Variants in F2R observed in about 807,000 individuals in gnomAD.
The protein encoded by F2R is proteinase-activated receptor 1.
F2R carries 12 observed loss-of-function variants against 18.3 expected under a neutral mutation model. The observed-to-expected ratio is 0.66, with a 90% CI of 0.42 to 1.06. F2R has a LOEUF of 1.06. Ranked by LOEUF, F2R falls within the 50% of genes least tolerant of loss-of-function variation. The probability of loss-of-function intolerance (pLI) is 0.00; values close to 1 mark genes in which losing one functional copy is unlikely to be tolerated. For missense variants in F2R, 438 were observed against 530.8 expected (o/e 0.83, Z 1.72); for synonymous variants, 210 against 219.9 (o/e 0.95, Z 0.40).
chr5:76,718,089 A>G (rs574948345), intron 1 of F2R, among the ~76,000 whole-genome samples: 5 of 152,310 alleles, frequency 3.3e-5, no homozygotes, highest in Admixed American at 3.3e-4. Flanking sequence ...GCCCTGGGCC[A>G]GAAGGAATTT....
At chr5:76,727,074 A>G (rs556577691) in intron 1 of F2R, among the ~76,000 whole-genome samples, 1 of 152,364 alleles carries the variant, frequency 6.6e-6, no homozygotes, top group South Asian at 2.1e-4. Flanking sequence ...TTGTACTAAA[A>G]AACTATAAAC....
intron 1 of F2R, among the ~76,000 whole-genome samples, chr5:76,719,189 A>G (rs1051856080): frequency 3.3e-5 from 5 of 152,238 alleles, no homozygotes; most frequent in African/African-American, 1.2e-4. Context: ...GGGACGTTAC[A>G]ATACTATCTT....
In F2R at chr5:76,733,041, A is replaced by C; in HGVS notation, c.816A>C (p.Ser272=). 1.2e-6 allele frequency: 2 copies of C among 1,614,116 alleles called. No homozygotes were observed. Among genetic ancestry groups the C allele is most frequent in the South Asian group, 1.1e-5 (1 of 91,086 alleles). Residue 272 remains serine (S), a synonymous_variant, in exon 2 of 2, where the codon TCA becomes TCC. Transcript: ENST00000319211. ...AAGGCTACTATGCCTACTACTTCTCAGCCTTCTCTGCTGTCTTCTTTTTTG... is the reference window on the plus strand; with the variant it reads ...AAGGCTACTATGCCTACTACTTCTCCGCCTTCTCTGCTGTCTTCTTTTTTG... The part of the protein sequence containing the change: ...LLEGYYAYYF[S]AFSAVFFFVP...
chr5:76,719,800 G>A (rs541208069), intron 1 of F2R, among the ~76,000 whole-genome samples: 2 of 152,202 alleles, frequency 1.3e-5, no homozygotes, highest in East Asian at 1.9e-4. Flanking sequence ...GTGCCCTATC[G>A]CCTTGGTAGC....
chr5:76,718,218 G>A (rs1305917471), intron 1 of F2R, among the ~76,000 whole-genome samples: 1 of 152,166 alleles, frequency 6.6e-6, no homozygotes, highest in East Asian at 1.9e-4. Context: ...GGTGGCGGGT[G>A]GGGCAGGGAA....
chr5:76,716,245 G>T lies in F2R; in HGVS notation c.-63G>T, dbSNP rs1023903982. ...CGACCCGCAGAAGTCAGGAGAGAGG[G>T]TGAAGCGGAGCAGCCCGAGGCGGGG... On this transcript the variant is annotated 5_prime_UTR_variant, in exon 1 of 2. Transcript: ENST00000319211. 7.9e-7 allele frequency: 1 copy of T among 1,270,188 alleles called. No homozygotes were observed. The highest frequency in any genetic ancestry group is 1.0e-6 in the Non-Finnish European group (1 of 992,152). 78.7% of individuals were successfully genotyped at this position (1,270,188 alleles called of 1,614,324 possible).
At chr5:76,720,996 G>C (rs902859393) in intron 1 of F2R, among the ~76,000 whole-genome samples, 2 of 152,094 alleles carry the variant, frequency 1.3e-5, no homozygotes, top group Non-Finnish European at 2.9e-5. Flanking sequence ...TAGTAGAGAC[G>C]AGATTTTATC....
intron 1 of F2R, among the ~76,000 whole-genome samples, chr5:76,729,786 C>T (rs1748636186): frequency 6.6e-6 from 1 of 152,182 alleles, no homozygotes; most frequent in Non-Finnish European, 1.5e-5. Flanking sequence ...CAAATCTCAA[C>T]TTGTAGCTCC....
At chr5:76,717,846 G>T (rs2150579476) in intron 1 of F2R, among the ~76,000 whole-genome samples, 1 of 152,316 alleles carries the variant, frequency 6.6e-6, no homozygotes. Context: ...AGCAAGGTGT[G>T]TAGCCTCATT....
At position 76,733,647 on chromosome 5, in the gene F2R, G is replaced by C. The variant is rs552152050; in HGVS notation, c.*144G>C. On this transcript the variant is annotated 3_prime_UTR_variant, in exon 2 of 2. Transcript: ENST00000319211. ...TGCATACCTGCTTTTTATGGGAGCT[G>C]TCAAGCATGTATTTTTGTCAATTAC... The C allele has an allele frequency of 1.6e-6, 1 of 641,734 alleles. No individual in the cohort carries two copies. Among genetic ancestry groups the C allele is most frequent in the Admixed American group, 3.2e-5 (1 of 31,380 alleles). The allele number at this position is 641,734 out of a possible 1,614,324, so 39.8% of individuals were successfully genotyped here. A position where few individuals can be genotyped will look rare whatever the true frequency, so the allele number is the denominator to read the frequency against.
At chr5:76,729,879 A>G (rs1748637632) in intron 1 of F2R, among the ~76,000 whole-genome samples, 1 of 152,130 alleles carries the variant, frequency 6.6e-6, no homozygotes, top group Non-Finnish European at 1.5e-5. Context: ...TGTTGTCATG[A>G]TAGTAAAATG....
At position 76,733,344 on chromosome 5, in the gene F2R, C is replaced by A. The variant is rs1194607700; in HGVS notation, c.1119C>A (p.Tyr373Ter). 1 of 1,614,178 alleles carries A rather than the reference C, an allele frequency of 6.2e-7. No homozygotes were observed. The highest frequency in any genetic ancestry group is 8.5e-7 in the Non-Finnish European group (1 of 1,180,036). The change falls in exon 2 of 2, where the codon TAC becomes TAA. Residue 373 changes from tyrosine to a stop codon, truncating the protein, a stop_gained. Coordinates refer to ENST00000319211, the MANE Select transcript of F2R (RefSeq NM_001992.5). LOFTEE classifies it high-confidence loss of function. ...GCATCGACCCCCTAATTTACTATTA[C>A]GCTTCCTCTGAGTGCCAGAGGTACG... ...SCCIDPLIYY[Y>*]ASSECQRYVY...
At chr5:76,728,309 T>G (rs1306082611) in intron 1 of F2R, among the ~76,000 whole-genome samples, 2 of 152,156 alleles carry the variant, frequency 1.3e-5, no homozygotes, top group East Asian at 3.8e-4. Flanking sequence ...TAACAGAAAT[T>G]TTGTACCCTT....
In F2R at chr5:76,719,638, G is replaced by A. The variant is rs2227825; in HGVS notation, c.88+3243G>A. Among the ~76,000 whole-genome samples, 974 of 151,206 alleles carry A rather than the reference G, an allele frequency of 6.4e-3. 10 individuals are homozygous for A. Among genetic ancestry groups the A allele is most frequent in the South Asian group, 0.014 (68 of 4,782 alleles). On this transcript the variant is annotated intron_variant, in intron 1 of 1. Transcript: ENST00000319211. Reference sequence around the variant, plus strand: ...GAGTTGACCACAGGCCTGTCTCTCCGAAGTGCAGGCTTTCTCTAACACCCC... The same window carrying A: ...GAGTTGACCACAGGCCTGTCTCTCCAAAGTGCAGGCTTTCTCTAACACCCC...
intron 1 of F2R, among the ~76,000 whole-genome samples, chr5:76,718,952 G>A (rs1748393678): frequency 6.6e-6 from 1 of 152,012 alleles, no homozygotes; most frequent in Non-Finnish European, 1.5e-5. Context: ...CCCCTTGCAG[G>A]AGGGTCCCCA....
rs1748731372 is a variant in F2R at position 76,733,849 on chromosome 5, T to C, written c.*346T>C. The C allele has an allele frequency of 5.3e-6, 1 of 189,978 alleles. No homozygotes were observed. Among genetic ancestry groups the C allele is most frequent in the Admixed American group, 5.4e-5 (1 of 18,562 alleles). 11.8% of individuals were successfully genotyped at this position (189,978 alleles called of 1,614,324 possible). Reference sequence around the variant, plus strand: ...TTGCAGTGCAGTATAGAATAGGCACTTTAAAACACTCTTTCCCCGCACCCC... The same window carrying C: ...TTGCAGTGCAGTATAGAATAGGCACCTTAAAACACTCTTTCCCCGCACCCC... On this transcript the variant is annotated 3_prime_UTR_variant, in exon 2 of 2. Coordinates refer to ENST00000319211, the MANE Select transcript of F2R (RefSeq NM_001992.5).
chr5:76,727,870 A>T (rs992533010), intron 1 of F2R, among the ~76,000 whole-genome samples: 1 of 131,480 alleles, frequency 7.6e-6, no homozygotes. Context: ...CTGTCTTTTT[A>T]CTTAAGACTG....
intron 1 of F2R, among the ~76,000 whole-genome samples, chr5:76,727,063 A>T (rs978758730): frequency 6.6e-6 from 1 of 152,226 alleles, no homozygotes; most frequent in East Asian, 1.9e-4. Context: ...TCATTCCCTC[A>T]TTGTACTAAA....
In F2R at chr5:76,734,126, A is replaced by T. The variant is rs1748738615; in HGVS notation, c.*623A>T. The T allele has an allele frequency of 6.6e-6, 1 of 152,458 alleles. No homozygotes were observed. Among genetic ancestry groups the T allele is most frequent in the African/African-American group, 2.4e-5 (1 of 41,454 alleles). The allele number at this position is 152,458 out of a possible 1,614,324, so 9.4% of individuals were successfully genotyped here. A position where few individuals can be genotyped will look rare whatever the true frequency, so the allele number is the denominator to read the frequency against. ...CAATTTTAAACATATCCAAGTTTGA[A>T]TTCCTAAAATTATGGAAACAGATGA... On this transcript the variant is annotated 3_prime_UTR_variant, in exon 2 of 2. Coordinates refer to ENST00000319211, the MANE Select transcript of F2R (RefSeq NM_001992.5).
Sources: allele counts gnomAD v4.1 joint callset (sites outside exome capture counted in the v4.1 genomes callset), GRCh38; gene constraint gnomAD v4.1.1; transcripts MANE v1.5; gene names NCBI Gene and HGNC (gene_info 2026-07-23, HGNC 2026-07-21).